CDH4: variants seen among roughly 807,000 people sequenced by gnomAD.
CDH4 encodes the protein cadherin-4.
In CDH4, 33 loss-of-function variants were observed where a neutral mutation model predicts 86.0. The ratio of observed to expected loss-of-function variants is 0.38; its 90% confidence interval spans 0.29 to 0.51. CDH4 has a LOEUF of 0.51. CDH4 is among the 20% of genes least tolerant of loss of function. The pLI is 0.86. For synonymous variants in CDH4, 555 were observed against 549.4 expected (o/e 1.01, Z -0.14); for missense variants, 1,114 against 1,307.4 (o/e 0.85, Z 2.28).
At position 61,741,976 on chromosome 20, in the gene CDH4, A is replaced by C. The variant is rs77674586; in HGVS notation, c.170-1587A>C. Among the ~76,000 whole-genome samples the C allele has an allele frequency of 1.7e-3, 257 of 152,294 alleles. 2 individuals carry two copies. The highest frequency in any genetic ancestry group is 5.9e-3 in the African/African-American group (246 of 41,566). On this transcript the variant is annotated intron_variant, in intron 2 of 15. Transcript: ENST00000614565. Reference sequence around the variant, plus strand: ...GGGGCTTGTTTGTGTGTTTGTGCTCATCTCTCAGCAATCACAGCACTGTCA... The same window carrying C: ...GGGGCTTGTTTGTGTGTTTGTGCTCCTCTCTCAGCAATCACAGCACTGTCA...
rs1482879051 is a variant in CDH4 at position 61,252,906 on chromosome 20, G to T, written c.57+336G>T. Among the ~76,000 whole-genome samples the T allele has an allele frequency of 6.6e-6, 1 of 151,850 alleles. No individual in the cohort carries two copies. The highest frequency in any genetic ancestry group is 1.5e-5 in the Non-Finnish European group (1 of 67,926). ...AGCTCGGCTTGCCTGCATGGGGCAGGCTTCCACTGGCGGAGCCGGCGCGCC... is the reference window on the plus strand; with the variant it reads ...AGCTCGGCTTGCCTGCATGGGGCAGTCTTCCACTGGCGGAGCCGGCGCGCC... On this transcript the variant is annotated intron_variant, in intron 1 of 15. Transcript: ENST00000614565. The surrounding 1 kb of genome is among the most constrained non-coding windows in gnomAD (Gnocchi z 4.4).
At chr20:61,366,984 C>T (rs2084813715) in intron 2 of CDH4, among the ~76,000 whole-genome samples, 1 of 152,246 alleles carries the variant, frequency 6.6e-6, no homozygotes, top group African/African-American at 2.4e-5. Context: ...CCTCCAGACA[C>T]CACACAGAAC....
At chr20:61,657,099 T>C (rs972813653) in intron 2 of CDH4, among the ~76,000 whole-genome samples, 13 of 152,226 alleles carry the variant, frequency 8.5e-5, no homozygotes, top group African/African-American at 2.9e-4. Context: ...TGACTGGGCT[T>C]ATGCCAAACG....
At chr20:61,528,949 CA>C (rs542962678) in intron 2 of CDH4, among the ~76,000 whole-genome samples, 406 of 151,870 alleles carry the variant, frequency 2.7e-3, no homozygotes, top group African/African-American at 9.4e-3. Context: ...GGGAATTAGA[CA>C]TTTTAGAAAG....
chr20:61,809,955 G>A (rs1346787365), intron 4 of CDH4, among the ~76,000 whole-genome samples: 2 of 152,214 alleles, frequency 1.3e-5, no homozygotes, highest in Admixed American at 1.3e-4. Context: ...AGTCAGGGGA[G>A]GAAGATGGTC....
rs1275512958 is a variant in CDH4, at chr20:61,676,821, C to T, written c.170-66742C>T. 6.6e-6 allele frequency among the ~76,000 whole-genome samples: 1 copy of T among 152,188 alleles called. No homozygotes were observed. ...TGAGGCTTGGAGTGGAAGGGGGTTG[C>T]TGTTGTCCAAGGGGAGGTCAGGGGA... On this transcript the variant is annotated intron_variant, in intron 2 of 15. Transcript: ENST00000614565. This position sits in a 1 kb window ranked among gnomAD's most constrained non-coding sequence, Gnocchi z 4.5.
At chr20:61,505,097 G>A (rs968280926) in intron 2 of CDH4, among the ~76,000 whole-genome samples, 3 of 152,158 alleles carry the variant, frequency 2.0e-5, no homozygotes, top group African/African-American at 7.2e-5. Flanking sequence ...TTTAAAATCC[G>A]CATCTGCTTT....
At chr20:61,290,856 T>G (rs2084316814) in intron 2 of CDH4, among the ~76,000 whole-genome samples, 1 of 152,180 alleles carries the variant, frequency 6.6e-6, no homozygotes, top group Admixed American at 6.5e-5. Context: ...GTGGGCCATA[T>G]TCCTGAAAAA....
At chr20:61,452,006 T>C (rs1479057443) in intron 2 of CDH4, among the ~76,000 whole-genome samples, 1 of 152,232 alleles carries the variant, frequency 6.6e-6, no homozygotes, top group Non-Finnish European at 1.5e-5. Context: ...CATCCACCCC[T>C]TCAGTGTCCT....
intron 2 of CDH4, among the ~76,000 whole-genome samples, chr20:61,699,227 G>A (rs971364628): frequency 2.0e-5 from 3 of 152,250 alleles, no homozygotes; most frequent in African/African-American, 7.2e-5. Flanking sequence ...CTTCGGTAAA[G>A]GTCACGGTGG....
chr20:61,434,691 T>C (rs1172428410), intron 2 of CDH4: 1 of 151,946 alleles, frequency 6.6e-6, no homozygotes, highest in Non-Finnish European at 1.5e-5. Context: ...CTTCCAGGCC[T>C]CGCCCCACCT....
intron 4 of CDH4, among the ~76,000 whole-genome samples, chr20:61,788,800 G>A (rs1451575362): frequency 6.6e-6 from 1 of 152,206 alleles, no homozygotes; most frequent in African/African-American, 2.4e-5. Flanking sequence ...GAGAAACAAG[G>A]GCATGGGAGA....
chr20:61,790,165 C>T (rs1735103642), intron 4 of CDH4, among the ~76,000 whole-genome samples: 1 of 151,550 alleles, frequency 6.6e-6, no homozygotes, highest in Non-Finnish European at 1.5e-5. Context: ...CCCATCTACC[C>T]ATCCGTCATC....
intron 2 of CDH4, among the ~76,000 whole-genome samples, chr20:61,540,816 G>A (rs977521505): frequency 6.6e-6 from 1 of 152,098 alleles, no homozygotes; most frequent in African/African-American, 2.4e-5. Context: ...TCTGCAGCCT[G>A]ACAGACCCTG....
rs140094219 is a variant in CDH4, at chr20:61,779,073, A to G, written c.576+5891A>G. Among the ~76,000 whole-genome samples the G allele has an allele frequency of 1.9e-4, 29 of 152,350 alleles. No individual in the cohort carries two copies. In the East Asian group the frequency reaches 4.8e-3, roughly 25 times the overall value. On this transcript the variant is annotated intron_variant, in intron 4 of 15. Transcript: ENST00000614565. ...CATTCTTAAAGGGTTTTAAAACGCC[A>G]CTTGCTTGGCTAGCATACACGTTAG...
chr20:61,823,029 A>G (rs999506207), intron 4 of CDH4, among the ~76,000 whole-genome samples: 1 of 152,210 alleles, frequency 6.6e-6, no homozygotes, highest in Non-Finnish European at 1.5e-5. Flanking sequence ...TAGGGCGACC[A>G]TGGAGGCTGG....
chr20:61,851,815 C>T (rs1383397119), intron 5 of CDH4, among the ~76,000 whole-genome samples: 2 of 152,162 alleles, frequency 1.3e-5, no homozygotes, highest in South Asian at 4.2e-4. Context: ...CCCTGGCGGC[C>T]ACCACACCCA....
chr20:61,496,458 A>G (rs1256531787), intron 2 of CDH4, among the ~76,000 whole-genome samples: 1 of 152,088 alleles, frequency 6.6e-6, no homozygotes, highest in Non-Finnish European at 1.5e-5. Context: ...TCCCATATCT[A>G]TCCTCTGCCC....
rs2087511695 is a variant in CDH4 at position 61,681,433 on chromosome 20, C to T, written c.170-62130C>T. The stretch of plus-strand genomic sequence containing the variant: ...TTAGACAATCCTTGGAACTTTATAA[C>T]TGTGTGCGTATTTCAAGGGATCTGT... On this transcript the variant is annotated intron_variant, in intron 2 of 15. Transcript: ENST00000614565. This position sits in a 1 kb window ranked among gnomAD's most constrained non-coding sequence, Gnocchi z 4.5. 6.6e-6 allele frequency among the ~76,000 whole-genome samples: 1 copy of T among 152,156 alleles called. No individual in the cohort carries two copies. Among genetic ancestry groups the T allele is most frequent in the Non-Finnish European group, 1.5e-5 (1 of 68,028 alleles).
Sources: allele counts gnomAD v4.1 joint callset (sites outside exome capture counted in the v4.1 genomes callset), GRCh38; gene constraint gnomAD v4.1.1; non-coding constraint Gnocchi (gnomAD v3.1); transcripts MANE v1.5; gene names NCBI Gene and HGNC (gene_info 2026-07-23, HGNC 2026-07-21).